Variants in FAF1 observed in about 807,000 individuals in gnomAD.
FAF1 encodes FAS-associated factor 1.
In FAF1, 25 loss-of-function variants were observed where a neutral mutation model predicts 92.5. The observed-to-expected ratio is 0.27, with a 90% CI of 0.20 to 0.38. FAF1 has a LOEUF of 0.38. Ranked by LOEUF, FAF1 falls within the 10% of genes least tolerant of loss-of-function variation. The pLI, the probability that FAF1 is intolerant of heterozygous loss-of-function variation, is 1.00. For missense variants in FAF1, 636 were observed against 793.3 expected (o/e 0.80, Z 2.38); for synonymous variants, 234 against 273.2 (o/e 0.86, Z 1.42).
In FAF1 at chr1:50,474,498, T is replaced by C. The variant is rs12042438; in HGVS notation, c.1869+966A>G. ...TTCTTTAGTGGTGATTTGTGAGATT[T>C]TGGTGTACCCATCACCCAGTGGGTA... On this transcript the variant is annotated intron_variant, in intron 18 of 18. Coordinates refer to ENST00000396153, the MANE Select transcript of FAF1 (RefSeq NM_007051.3). Among the ~76,000 whole-genome samples, 1,944 of 152,298 alleles carry C rather than the reference T, an allele frequency of 0.013. 125 individuals carry two copies. The East Asian group carries it at 0.18, about 14-fold the overall frequency.
intron 4 of FAF1, among the ~76,000 whole-genome samples, chr1:50,782,238 T>C (rs912191431): frequency 6.6e-5 from 10 of 152,150 alleles, no homozygotes; most frequent in African/African-American, 2.4e-4. Context: ...GGAAGTATTC[T>C]AAAGGTATCA....
chr1:50,763,016 G>A (rs1256434656), intron 4 of FAF1, among the ~76,000 whole-genome samples: 3 of 152,098 alleles, frequency 2.0e-5, no homozygotes, highest in African/African-American at 7.2e-5. Flanking sequence ...AGCACTTTGG[G>A]AGGCCAAGGC....
chr1:50,779,886 C>T (rs539421547), intron 4 of FAF1, among the ~76,000 whole-genome samples: 8 of 151,578 alleles, frequency 5.3e-5, no homozygotes, highest in Non-Finnish European at 8.8e-5. Flanking sequence ...AATTCAAGAC[C>T]AGCCTGGGCC....
At chr1:50,952,701 GGA>G (rs1304822390) in intron 1 of FAF1, among the ~76,000 whole-genome samples, 3 of 150,306 alleles carry the variant, frequency 2.0e-5, no homozygotes, top group Non-Finnish European at 4.4e-5. Context: ...TGAGATGTGG[GGA>G]GCGCCTCTGC....
Position 50,856,168 on chromosome 1 carries a change from T to C in FAF1, c.114+1761A>G, listed in dbSNP as rs542357425. Among the ~76,000 whole-genome samples the C allele has an allele frequency of 2.0e-5, 3 of 151,880 alleles. No homozygotes were observed. In the East Asian group the frequency reaches 5.8e-4, roughly 29 times the overall value. ...ACTGGTAATTCCTCCATTAAAGACT[T>C]GTACTCCCAGCCCACCATCACCCTT... On this transcript the variant is annotated intron_variant, in intron 2 of 18. Coordinates refer to ENST00000396153, the MANE Select transcript of FAF1 (RefSeq NM_007051.3).
intron 13 of FAF1, among the ~76,000 whole-genome samples, chr1:50,556,851 AATAAT>A (rs1334770776): frequency 2.0e-5 from 3 of 151,688 alleles, no homozygotes; most frequent in South Asian, 2.1e-4. Context: ...CATAAAATAA[AATAAT>A]ATAAAATAAA....
intron 8 of FAF1, among the ~76,000 whole-genome samples, chr1:50,613,716 A>G (rs2124145768): frequency 6.6e-6 from 1 of 152,340 alleles, no homozygotes; most frequent in Non-Finnish European, 1.5e-5. Context: ...AATAGTAAGT[A>G]ATCACTCAAT....
At chr1:50,666,763 A>G (rs896621853) in intron 7 of FAF1, among the ~76,000 whole-genome samples, 12 of 152,086 alleles carry the variant, frequency 7.9e-5, no homozygotes, top group African/African-American at 2.7e-4. Context: ...CACATCTGTA[A>G]TCCCAGCTAC....
chr1:50,856,679 AATTCAATTATGAATTGAATTT>A (rs577897629), intron 2 of FAF1, among the ~76,000 whole-genome samples: 292 of 151,902 alleles, frequency 1.9e-3, no homozygotes, highest in African/African-American at 6.6e-3. Flanking sequence ...TTGCCTCAGA[AATTCAATTATGAATTGAATTT>A]ATTCAATTTC....
intron 1 of FAF1, among the ~76,000 whole-genome samples, chr1:50,873,337 T>C (rs1389348767): frequency 6.6e-6 from 1 of 152,212 alleles, no homozygotes; most frequent in African/African-American, 2.4e-5. Context: ...TTCTCACTTT[T>C]TGAGGCTAAC....
At chr1:50,692,648 T>G (rs780280662) in intron 7 of FAF1, among the ~76,000 whole-genome samples, 1 of 152,214 alleles carries the variant, frequency 6.6e-6, no homozygotes, top group Admixed American at 6.5e-5. Flanking sequence ...GTTGTATATA[T>G]TCATATATAC....
chr1:50,504,169 T>C (rs1426533098), intron 15 of FAF1, among the ~76,000 whole-genome samples: 1 of 152,004 alleles, frequency 6.6e-6, no homozygotes, highest in East Asian at 1.9e-4. Flanking sequence ...CAAGAAGTTA[T>C]CTAAATTGCA....
In FAF1 at chr1:50,583,435, A is replaced by G. The variant is rs1651080333; in HGVS notation, c.1031+217T>C. Among the ~76,000 whole-genome samples the G allele has an allele frequency of 6.6e-6, 1 of 152,030 alleles. No homozygotes were observed. Among genetic ancestry groups the G allele is most frequent in the African/African-American group, 2.4e-5 (1 of 41,458 alleles). ...ATTAGGATCCATTTATTGAACGTCC[A>G]TAAACATACAGAAATAAGTTGAATC... On this transcript the variant is annotated intron_variant, in intron 11 of 18. Coordinates refer to ENST00000396153, the MANE Select transcript of FAF1 (RefSeq NM_007051.3). This position sits in a 1 kb window ranked among gnomAD's most constrained non-coding sequence, Gnocchi z 4.2.
At chr1:50,603,472 C>T (rs990225899) in intron 8 of FAF1, among the ~76,000 whole-genome samples, 1 of 152,114 alleles carries the variant, frequency 6.6e-6, no homozygotes, top group African/African-American at 2.4e-5. Flanking sequence ...CTAGAATACC[C>T]CTTTTAAATT....
intron 15 of FAF1, among the ~76,000 whole-genome samples, chr1:50,518,448 T>C (rs1004817261): frequency 2.6e-5 from 4 of 152,080 alleles, no homozygotes; most frequent in Non-Finnish European, 5.9e-5. Context: ...TCTTTCTTTT[T>C]TTTTTTTTTT....
intron 7 of FAF1, among the ~76,000 whole-genome samples, chr1:50,683,557 T>G (rs2124373102): frequency 6.6e-6 from 1 of 151,810 alleles, no homozygotes; most frequent in East Asian, 1.9e-4. Context: ...TATCCCAATT[T>G]CAATTTTATA....
intron 6 of FAF1, among the ~76,000 whole-genome samples, chr1:50,732,329 C>A (rs889656091): frequency 6.6e-6 from 1 of 152,116 alleles, no homozygotes; most frequent in East Asian, 1.9e-4. Flanking sequence ...CCCACCTTGG[C>A]CTCCCAAAGT....
intron 6 of FAF1, among the ~76,000 whole-genome samples, chr1:50,723,081 C>T (rs1658481048): frequency 6.6e-6 from 1 of 151,992 alleles, no homozygotes; most frequent in Non-Finnish European, 1.5e-5. Flanking sequence ...AATATTTGTG[C>T]AGATTATGAG....
chr1:50,947,639 G>C (rs1313664644), intron 1 of FAF1, among the ~76,000 whole-genome samples: 3 of 152,198 alleles, frequency 2.0e-5, no homozygotes, highest in Non-Finnish European at 4.4e-5. Flanking sequence ...TTCAGCAGCA[G>C]CATTCAAATT....
Sources: gnomAD v4.1 joint callset for allele counts (sites outside exome capture counted in the v4.1 genomes callset) on GRCh38, gnomAD v4.1.1 for gene constraint, Gnocchi (gnomAD v3.1) non-coding constraint, MANE v1.5 for transcripts, NCBI Gene and HGNC (gene_info 2026-07-23, HGNC 2026-07-21) for gene names.